The following TLE4 variants were observed in gnomAD, a reference collection of about 807,000 sequenced individuals.
TLE4 encodes TLE family member 4, transcriptional corepressor, also known as transducin-like enhancer protein 4.
TLE4 carries 8 observed loss-of-function variants against 92.8 expected under a neutral mutation model. The ratio of observed to expected loss-of-function variants is 0.09; its 90% CI spans 0.05 to 0.16. The LOEUF (loss-of-function observed/expected upper bound fraction) is 0.16. TLE4 is among the 10% of genes least tolerant of loss of function. The pLI, the probability that TLE4 is intolerant of heterozygous loss-of-function variation, is 1.00. For synonymous variants in TLE4, 371 were observed against 374.1 expected (o/e 0.99, Z 0.10); for missense variants, 675 against 997.6 (o/e 0.68, Z 4.36).
rs1371461383 is a variant in TLE4, at chr9:79,627,365, C to T, written c.316-9C>T. ...ATAATTGTATTCTGTTTCTGATCTTCATTTATAGCACCAGCAACAAGTGGT... is the reference window on the plus strand; with the variant it reads ...ATAATTGTATTCTGTTTCTGATCTTTATTTATAGCACCAGCAACAAGTGGT... On this transcript the variant is annotated splice_polypyrimidine_tract_variant and intron_variant, in intron 5 of 19. Coordinates refer to ENST00000376552, the MANE Select transcript of TLE4 (RefSeq NM_007005.6). The T allele has an allele frequency of 6.2e-7, 1 of 1,613,990 alleles. No homozygotes were observed.
chr9:79,586,942 C>T (rs1244419169), intron 4 of TLE4, among the ~76,000 whole-genome samples: 1 of 152,208 alleles, frequency 6.6e-6, no homozygotes, highest in South Asian at 2.1e-4. Flanking sequence ...AAGCATTTCC[C>T]TTTTTTTGTG....
At position 79,641,034 on chromosome 9, in the gene TLE4, G is replaced by A. The variant is rs562656900; in HGVS notation, c.391-11559G>A. On this transcript the variant is annotated intron_variant, in intron 6 of 19. Transcript: ENST00000376552. ...GTAAATATTACTGTGGGGCTACCTG[G>A]TTATTCTTGTGGAAAAGAATTGGAT... 9.2e-5 allele frequency among the ~76,000 whole-genome samples: 14 copies of A among 151,480 alleles called. No individual in the cohort carries two copies. The South Asian group carries it at 2.7e-3, about 29-fold the overall frequency.
chr9:79,585,018 A>G (rs2040696442), intron 4 of TLE4, among the ~76,000 whole-genome samples: 1 of 152,202 alleles, frequency 6.6e-6, no homozygotes. Flanking sequence ...GTGGAGCAAT[A>G]TCGATCTTGA....
Position 79,585,662 on chromosome 9 carries a change from A to ATT in TLE4, c.252+9495_252+9496dup, listed in dbSNP as rs35658870. Among the ~76,000 whole-genome samples the ATT allele has an allele frequency of 1.6e-3, 240 of 150,204 alleles. 1 individual carries two copies. Among genetic ancestry groups the ATT allele is most frequent in the African/African-American group, 5.1e-3 (209 of 41,084 alleles). ...CTGTGATCCAGTGAACAGAAATTGA[A>ATT]TTTTTTTTTTTCAGTCTTAGAAAGT... is the stretch of plus-strand genomic sequence containing the variant. On this transcript the variant is annotated intron_variant, in intron 4 of 19. Transcript: ENST00000376552.
chr9:79,670,703 G>C (rs926063951), intron 8 of TLE4, among the ~76,000 whole-genome samples: 2 of 152,126 alleles, frequency 1.3e-5, no homozygotes, highest in Admixed American at 1.3e-4. Context: ...CCAGTAGGCA[G>C]GAAACAGTGT....
intron 5 of TLE4, among the ~76,000 whole-genome samples, chr9:79,613,769 G>A (rs928998093): frequency 3.9e-5 from 6 of 152,128 alleles, no homozygotes; most frequent in Non-Finnish European, 8.8e-5. Context: ...GCCTGCATGT[G>A]TATTATAGAT....
chr9:79,685,785 G>A (rs1053141678), intron 8 of TLE4, among the ~76,000 whole-genome samples: 1 of 152,068 alleles, frequency 6.6e-6, no homozygotes, highest in African/African-American at 2.4e-5. Flanking sequence ...TTGTTTTTTA[G>A]CTACTTTGTC....
chr9:79,650,866 A>T (rs1379178980), intron 6 of TLE4, among the ~76,000 whole-genome samples: 2 of 152,156 alleles, frequency 1.3e-5, no homozygotes, highest in African/African-American at 4.8e-5. Flanking sequence ...TCAGTAAGAG[A>T]AAAGAACTAA....
At chr9:79,697,084 C>T (rs1163139346) in intron 8 of TLE4, among the ~76,000 whole-genome samples, 2 of 152,046 alleles carry the variant, frequency 1.3e-5, no homozygotes, top group African/African-American at 2.4e-5. Context: ...GTGGCCAGTG[C>T]ATGTAACTGT....
chr9:79,649,743 G>A lies in TLE4; in HGVS notation c.391-2850G>A, dbSNP rs990359237. On this transcript the variant is annotated intron_variant, in intron 6 of 19. Coordinates refer to ENST00000376552, the MANE Select transcript of TLE4 (RefSeq NM_007005.6). ...CAGGAAGCCTTACTGTGAATGTCAT[G>A]TATAACTATGATTTCTGCCTTTGAA... 2.0e-5 allele frequency: 25 copies of A among 1,241,158 alleles called. No homozygotes were observed. In the African/African-American group the frequency reaches 3.7e-4, roughly 19 times the overall value. 76.9% of individuals were successfully genotyped at this position (1,241,158 alleles called of 1,614,324 possible). A position where few individuals can be genotyped will look rare whatever the true frequency, so the allele number is the denominator to read the frequency against.
At chr9:79,699,253 T>C (rs1264678579) in intron 8 of TLE4, among the ~76,000 whole-genome samples, 4 of 152,274 alleles carry the variant, frequency 2.6e-5, no homozygotes, top group Non-Finnish European at 5.9e-5. Flanking sequence ...TTGAGGACTT[T>C]GGTTATGGCA....
chr9:79,645,959 C>T (rs1283233040), intron 6 of TLE4, among the ~76,000 whole-genome samples: 2 of 152,002 alleles, frequency 1.3e-5, no homozygotes, highest in African/African-American at 2.4e-5. Flanking sequence ...TACATATTTT[C>T]CTCAATAGGT....
intron 8 of TLE4, among the ~76,000 whole-genome samples, chr9:79,692,947 A>G (rs1185417146): frequency 6.6e-6 from 1 of 152,210 alleles, no homozygotes; most frequent in Non-Finnish European, 1.5e-5. Flanking sequence ...TCCGTTTTAT[A>G]GGTATGACAA....
chr9:79,695,687 G>A (rs1312293630), intron 8 of TLE4, among the ~76,000 whole-genome samples: 1 of 152,208 alleles, frequency 6.6e-6, no homozygotes, highest in Non-Finnish European at 1.5e-5. Flanking sequence ...GTGCTGGGAA[G>A]GAAGCACACA....
chr9:79,681,197 C>CT (rs2135271384), intron 8 of TLE4, among the ~76,000 whole-genome samples: 1 of 152,080 alleles, frequency 6.6e-6, no homozygotes, highest in East Asian at 1.9e-4. Context: ...TAGGAGTTCT[C>CT]TAAGTCTGTG....
intron 4 of TLE4, among the ~76,000 whole-genome samples, chr9:79,603,396 T>C (rs1217199438): frequency 6.6e-6 from 1 of 152,148 alleles, no homozygotes; most frequent in Non-Finnish European, 1.5e-5. Context: ...CCACCCTGAT[T>C]AGCCATCAGT....
In TLE4 at chr9:79,706,785, C is replaced by T; in HGVS notation, c.822C>T (p.Pro274=). 1 of 1,614,122 alleles carries T rather than the reference C, an allele frequency of 6.2e-7. No individual in the cohort carries two copies. Among genetic ancestry groups the T allele is most frequent in the Non-Finnish European group, 8.5e-7 (1 of 1,180,008 alleles). ...CTCGAGGGAGCCCAGCACATTCCCC[C>T]AGAGAGAATGGCCTAGACAAGACAC... is the stretch of plus-strand genomic sequence containing the variant. ...SSPRGSPAHS[P]RENGLDKTRL... The change falls in exon 11 of 20, where the codon CCC becomes CCT. Residue 274 remains proline, a synonymous_variant. Coordinates refer to ENST00000376552, the MANE Select transcript of TLE4 (RefSeq NM_007005.6).
At chr9:79,647,967 T>A (rs780141394) in intron 6 of TLE4, among the ~76,000 whole-genome samples, 1 of 151,464 alleles carries the variant, frequency 6.6e-6, no homozygotes, top group Non-Finnish European at 1.5e-5. Context: ...TAGAGACAGA[T>A]GAGAGAGTAC....
chr9:79,687,423 C>T (rs1244011320), intron 8 of TLE4, among the ~76,000 whole-genome samples: 2 of 152,182 alleles, frequency 1.3e-5, no homozygotes, highest in African/African-American at 4.8e-5. Context: ...CAAGTGGAGA[C>T]CTCAGAGCTT....
Sources: gnomAD v4.1 joint callset for allele counts (sites outside exome capture counted in the v4.1 genomes callset) on GRCh38, gnomAD v4.1.1 for gene constraint, MANE v1.5 for transcripts, NCBI Gene and HGNC (gene_info 2026-07-23, HGNC 2026-07-21) for gene names.